Variants in CEP112 observed in about 807,000 individuals in gnomAD.
CEP112 encodes the protein centrosomal protein of 112 kDa.
Under a neutral mutation model 153.0 loss-of-function variants are expected in CEP112, and 127 were observed. The observed-to-expected ratio is 0.83, with a 90% confidence interval of 0.72 to 0.96. The LOEUF (loss-of-function observed/expected upper bound fraction) is 0.96, where lower values mean the gene tolerates loss of function less well. Among genes scored for constraint, CEP112 ranks in the 40% least tolerant of loss-of-function variants. The probability of loss-of-function intolerance (pLI) is 0.00; values close to 1 mark genes in which losing one functional copy is unlikely to be tolerated. For missense variants in CEP112, 1,089 were observed against 1,101.2 expected (o/e 0.99, Z 0.16); for synonymous variants, 358 against 374.4 (o/e 0.96, Z 0.51).
At chr17:65,969,335 T>G (rs4499274) in intron 17 of CEP112, among the ~76,000 whole-genome samples, 74,743 of 152,004 alleles carry the variant, frequency 0.49, 19,284 homozygotes, top group East Asian at 0.89. Context: ...TCTCATTTTG[T>G]TAAGATCATT....
rs553278063 is a variant in CEP112, at chr17:65,916,409, C to T, written c.1980+11173G>A. Among the ~76,000 whole-genome samples the T allele has an allele frequency of 8.6e-5, 13 of 151,986 alleles. No homozygotes were observed. The South Asian group carries it at 2.7e-3, about 32-fold the overall frequency. The stretch of plus-strand genomic sequence containing the variant: ...CCCAAGCACTTGGAAGAGTGTTTAG[C>T]ACATAGTAATTCAATAAACATGTGT... On this transcript the variant is annotated intron_variant, in intron 19 of 26. Coordinates refer to ENST00000535342, the MANE Select transcript of CEP112 (RefSeq NM_001199165.4).
intron 12 of CEP112, among the ~76,000 whole-genome samples, chr17:66,033,877 A>G (rs1596318): frequency 0.41 from 62,542 of 152,152 alleles, 14,326 homozygotes; most frequent in East Asian, 0.87. Flanking sequence ...AACATTTGCC[A>G]ATTATCAAAA....
chr17:65,765,146 G>T (rs1023473815), intron 21 of CEP112, among the ~76,000 whole-genome samples: 1 of 131,230 alleles, frequency 7.6e-6, no homozygotes, highest in South Asian at 2.8e-4. Flanking sequence ...ATTTCTGTTC[G>T]GTTCTTCGTT....
At chr17:65,995,826 C>T (rs1231650497) in intron 17 of CEP112, among the ~76,000 whole-genome samples, 2 of 152,154 alleles carry the variant, frequency 1.3e-5, no homozygotes, top group African/African-American at 4.8e-5. Flanking sequence ...TTCCCCCATA[C>T]TGTTCTCGTG....
intron 20 of CEP112, among the ~76,000 whole-genome samples, chr17:65,893,811 G>A (rs2059563536): frequency 6.6e-6 from 1 of 152,076 alleles, no homozygotes; most frequent in Non-Finnish European, 1.5e-5. Context: ...AAGCTCAGGT[G>A]TTAAATATCT....
intron 23 of CEP112, among the ~76,000 whole-genome samples, chr17:65,702,168 G>A (rs996358083): frequency 6.6e-5 from 10 of 152,122 alleles, no homozygotes; most frequent in South Asian, 2.1e-4. Context: ...GAGCCACTGC[G>A]CCTGGCCTAA....
chr17:65,922,759 C>A (rs1373505465), intron 19 of CEP112, among the ~76,000 whole-genome samples: 1 of 152,128 alleles, frequency 6.6e-6, no homozygotes, highest in East Asian at 1.9e-4. Context: ...TGACATTTTT[C>A]TTATTTTTCT....
At chr17:65,814,754 T>C (rs770510521) in intron 21 of CEP112, among the ~76,000 whole-genome samples, 7 of 152,138 alleles carry the variant, frequency 4.6e-5, no homozygotes, top group Non-Finnish European at 7.4e-5. Flanking sequence ...GCAGTTCCAA[T>C]TGGCACAAAT....
intron 21 of CEP112, among the ~76,000 whole-genome samples, chr17:65,835,711 C>T (rs1371044364): frequency 6.6e-6 from 1 of 152,116 alleles, no homozygotes; most frequent in East Asian, 1.9e-4. Context: ...ACACAAAATG[C>T]TAAAGGGAGT....
intron 15 of CEP112, 40 bp downstream of exon 15, chr17:66,028,273 G>A: frequency 8.1e-7 from 1 of 1,235,922 alleles, no homozygotes; most frequent in Non-Finnish European, 1.2e-6. Flanking sequence ...AGAAAACTGT[G>A]TTTGACCATT....
At chr17:66,131,075 T>C (rs1006671420) in intron 5 of CEP112, among the ~76,000 whole-genome samples, 4 of 152,320 alleles carry the variant, frequency 2.6e-5, no homozygotes, top group South Asian at 2.1e-4. Flanking sequence ...GAAGGCTTAA[T>C]TGCTAACAAA....
chr17:65,968,016 T>A (rs1240043617), intron 17 of CEP112, among the ~76,000 whole-genome samples: 1 of 152,184 alleles, frequency 6.6e-6, no homozygotes, highest in Non-Finnish European at 1.5e-5. Context: ...AAAACTTCCA[T>A]TTATAAATTG....
intron 4 of CEP112, among the ~76,000 whole-genome samples, chr17:66,155,461 T>C (rs4369719): frequency 2.0e-5 from 3 of 151,370 alleles, no homozygotes; most frequent in African/African-American, 7.3e-5. Flanking sequence ...CAAAACTGGG[T>C]GGCTGTTTGG....
intron 8 of CEP112, among the ~76,000 whole-genome samples, chr17:66,070,318 T>C (rs1372191644): frequency 6.6e-6 from 1 of 152,176 alleles, no homozygotes; most frequent in Admixed American, 6.5e-5. Context: ...TATTTTGCTT[T>C]TACATTTAAA....
chr17:65,684,040 T>TAAAAAC (rs965610731), intron 24 of CEP112, among the ~76,000 whole-genome samples: 12 of 152,106 alleles, frequency 7.9e-5, no homozygotes, highest in Non-Finnish European at 1.0e-4. Context: ...ACTCCATCAT[T>TAAAAAC]AAAAACAAAA....
At chr17:65,841,375 T>C (rs79378170) in intron 21 of CEP112, among the ~76,000 whole-genome samples, 1 of 152,116 alleles carries the variant, frequency 6.6e-6, no homozygotes, top group Non-Finnish European at 1.5e-5. Context: ...GATGTCATTA[T>C]GTTAAGTGAA....
chr17:66,120,258 T>C (rs1404020761), intron 6 of CEP112, among the ~76,000 whole-genome samples: 1 of 152,118 alleles, frequency 6.6e-6, no homozygotes, highest in Non-Finnish European at 1.5e-5. Context: ...TGGAGTGCAG[T>C]GGCATGATCT....
At chr17:65,990,983 C>G (rs1324214645) in intron 17 of CEP112, among the ~76,000 whole-genome samples, 1 of 152,182 alleles carries the variant, frequency 6.6e-6, no homozygotes, top group Non-Finnish European at 1.5e-5. Context: ...ACTAAAGAGC[C>G]TCTGGTCCCT....
chr17:65,921,105 G>T (rs1212718974), intron 19 of CEP112, among the ~76,000 whole-genome samples: 1 of 151,818 alleles, frequency 6.6e-6, no homozygotes, highest in Non-Finnish European at 1.5e-5. Flanking sequence ...ATTCAGAGAT[G>T]GCCCTTTGAA....
Sources: gnomAD v4.1 joint callset for allele counts (sites outside exome capture counted in the v4.1 genomes callset) on GRCh38, gnomAD v4.1.1 for gene constraint, MANE v1.5 for transcripts, NCBI Gene and HGNC (gene_info 2026-07-23, HGNC 2026-07-21) for gene names.